SRGAP1: variants seen among roughly 807,000 people sequenced by gnomAD.
SRGAP1 encodes SLIT-ROBO Rho GTPase activating protein 1, also known as SLIT-ROBO Rho GTPase-activating protein 1.
A neutral mutation model predicts 121.9 loss-of-function variants in SRGAP1; 43 were observed. The observed-to-expected ratio is 0.35, with a 90% CI of 0.28 to 0.46. The LOEUF (loss-of-function observed/expected upper bound fraction) is 0.46. Ranked by LOEUF, SRGAP1 falls within the 20% of genes least tolerant of loss-of-function variation. The probability of loss-of-function intolerance (pLI) is 1.00; values close to 1 mark genes in which losing one functional copy is unlikely to be tolerated. For missense variants in SRGAP1, 1,102 were observed against 1,350.9 expected, an observed-to-expected ratio of 0.82 and a Z score of 2.89; for synonymous variants, 447 against 485.4, an observed-to-expected ratio of 0.92 and a Z score of 1.04.
At chr12:64,083,673 A>G (rs905787604) in intron 10 of SRGAP1, among the ~76,000 whole-genome samples, 8 of 152,232 alleles carry the variant, frequency 5.3e-5, no homozygotes, top group Non-Finnish European at 8.8e-5. Flanking sequence ...ACCACAGTAA[A>G]TGAGATATAC....
At position 63,873,180 on chromosome 12, in the gene SRGAP1, A is replaced by G. The variant is rs569819409; in HGVS notation, c.67+28297A>G. On this transcript the variant is annotated intron_variant, in intron 1 of 21. Coordinates refer to ENST00000355086, the MANE Select transcript of SRGAP1 (RefSeq NM_020762.4). ...TTTTACATTTTGCTTAAATCTCACA[A>G]GAAATATATGAGGTACACACTGCTA... Among the ~76,000 whole-genome samples, 17 of 152,330 alleles carry G rather than the reference A, an allele frequency of 1.1e-4. No individual in the cohort carries two copies. The South Asian group carries it at 3.5e-3, about 32-fold the overall frequency.
Position 64,161,024 on chromosome 12 carries a change from C to T in SRGAP1, c.*18352C>T, listed in dbSNP as rs2136671450. ...AGGGTTTCTGAAATTTCAGAATATC[C>T]TGATGTGGATCTATTTTGATTCATT... On this transcript the variant is annotated 3_prime_UTR_variant, in exon 22 of 22. Transcript: ENST00000355086. 1 of 152,204 alleles carries T rather than the reference C, an allele frequency of 6.6e-6. No individual in the cohort carries two copies. Among genetic ancestry groups the T allele is most frequent in the South Asian group, 2.1e-4 (1 of 4,818 alleles). The allele number at this position is 152,204 out of a possible 1,614,324, so 9.4% of individuals were successfully genotyped here.
Position 64,142,633 on chromosome 12 carries a change from A to G in SRGAP1, c.3219A>G (p.Pro1073=). Reference sequence around the variant, plus strand: ...CAAATCCTACCATAGGACCTGCCCCACCTCCCCAGGGTCCAACAGACAAGT... The same window carrying G: ...CAAATCCTACCATAGGACCTGCCCCGCCTCCCCAGGGTCCAACAGACAAGT... The part of the protein sequence containing the change: ...PKTNPTIGPA[P]PPQGPTDKSC... The change falls in exon 22 of 22, where the codon CCA becomes CCG. Residue 1073 remains proline, a synonymous_variant. Coordinates refer to ENST00000355086, the MANE Select transcript of SRGAP1 (RefSeq NM_020762.4). 6.2e-7 allele frequency: 1 copy of G among 1,613,802 alleles called. No individual in the cohort carries two copies. Among genetic ancestry groups the G allele is most frequent in the Non-Finnish European group, 8.5e-7 (1 of 1,179,974 alleles).
intron 1 of SRGAP1, among the ~76,000 whole-genome samples, chr12:63,850,525 G>A (rs1899041908): frequency 6.6e-6 from 1 of 151,670 alleles, no homozygotes; most frequent in Non-Finnish European, 1.5e-5. Flanking sequence ...TGACCTCCTG[G>A]GCTCAAGCGA....
At chr12:64,042,679 T>A in intron 4 of SRGAP1, 111 bp from the exon 5 acceptor site, 1 of 704,186 alleles carries the variant, frequency 1.4e-6, no homozygotes, top group Non-Finnish European at 2.3e-6. Flanking sequence ...ACTTTTCCCC[T>A]CTGCCATTTG....
intron 1 of SRGAP1, among the ~76,000 whole-genome samples, chr12:63,939,686 G>C (rs1232838975): frequency 6.6e-6 from 1 of 152,144 alleles, no homozygotes; most frequent in Non-Finnish European, 1.5e-5. Context: ...TAAAAAACAA[G>C]TTGTTTCTCA....
intron 1 of SRGAP1, among the ~76,000 whole-genome samples, chr12:63,873,257 G>A (rs186340089): frequency 1.4e-4 from 22 of 152,052 alleles, no homozygotes; most frequent in Non-Finnish European, 2.1e-4. Context: ...TTGGCCGGGC[G>A]CGGTAGCTCA....
chr12:63,941,708 G>A (rs1049998727), intron 1 of SRGAP1, among the ~76,000 whole-genome samples: 1 of 151,194 alleles, frequency 6.6e-6, no homozygotes, highest in Non-Finnish European at 1.5e-5. Flanking sequence ...GATCCTTTGA[G>A]TGGAAAGCCT....
At chr12:63,899,984 C>G (rs575919656) in intron 1 of SRGAP1, among the ~76,000 whole-genome samples, 2 of 152,216 alleles carry the variant, frequency 1.3e-5, no homozygotes, top group East Asian at 3.9e-4. Flanking sequence ...AAAAAACTTT[C>G]TAGAAGCTTG....
chr12:64,127,831 T>G, intron 20 of SRGAP1, 30 bp from the exon 21 acceptor site: 3 of 1,600,196 alleles, frequency 1.9e-6, no homozygotes, highest in Non-Finnish European at 2.6e-6. Flanking sequence ...TAAGCTCTTC[T>G]GTTTTCTCCC....
intron 1 of SRGAP1, among the ~76,000 whole-genome samples, chr12:63,921,065 A>C (rs533951499): frequency 6.0e-4 from 91 of 152,298 alleles, no homozygotes; most frequent in African/African-American, 1.8e-3. Context: ...TGGCCCATCC[A>C]TCTGGTTCGA....
intron 1 of SRGAP1, among the ~76,000 whole-genome samples, chr12:63,926,174 A>G (rs905043673): frequency 1.3e-5 from 2 of 152,186 alleles, no homozygotes; most frequent in African/African-American, 4.8e-5. Flanking sequence ...TCCTCACACC[A>G]TCAATTACAT....
intron 12 of SRGAP1, among the ~76,000 whole-genome samples, chr12:64,092,408 A>C (rs2036069085): frequency 6.6e-6 from 1 of 152,154 alleles, no homozygotes; most frequent in Non-Finnish European, 1.5e-5. Context: ...CTGTTTATTG[A>C]ATATGTGTAC....
At chr12:63,926,714 C>G (rs2031275751) in intron 1 of SRGAP1, among the ~76,000 whole-genome samples, 3 of 152,090 alleles carry the variant, frequency 2.0e-5, no homozygotes, top group Admixed American at 1.3e-4. Flanking sequence ...GAAATTCATT[C>G]TTAGTTATTT....
rs149099309 is a variant in SRGAP1, at chr12:63,884,454, G to T, written c.67+39571G>T. 2.0e-5 allele frequency among the ~76,000 whole-genome samples: 3 copies of T among 152,220 alleles called. No individual in the cohort carries two copies. In the East Asian group the frequency reaches 5.8e-4, roughly 29 times the overall value. The stretch of plus-strand genomic sequence containing the variant: ...TTATTGGGTACAATTTGATGTTTCA[G>T]TACATACCTGTGTTGTATAATGATC... On this transcript the variant is annotated intron_variant, in intron 1 of 21. Transcript: ENST00000355086.
At chr12:64,118,256 T>C (rs116253648) in intron 18 of SRGAP1, among the ~76,000 whole-genome samples, 1,922 of 152,274 alleles carry the variant, frequency 0.013, 33 homozygotes, top group African/African-American at 0.043. Flanking sequence ...GCAACGCTTA[T>C]CTTTTTGTTT....
At chr12:64,105,777 CTG>C (rs1352935552) in intron 15 of SRGAP1, among the ~76,000 whole-genome samples, 3 of 151,636 alleles carry the variant, frequency 2.0e-5, no homozygotes, top group Non-Finnish European at 4.4e-5. Context: ...GAGTAAGACT[CTG>C]TCTCAAAAAC....
intron 1 of SRGAP1, among the ~76,000 whole-genome samples, chr12:63,891,252 T>C (rs1900569362): frequency 6.6e-6 from 1 of 152,222 alleles, no homozygotes; most frequent in African/African-American, 2.4e-5. Flanking sequence ...ACTCCTCCCC[T>C]GCTGACATGG....
At chr12:63,853,964 T>A (rs1419047371) in intron 1 of SRGAP1, among the ~76,000 whole-genome samples, 1 of 152,232 alleles carries the variant, frequency 6.6e-6, no homozygotes, top group East Asian at 1.9e-4. Flanking sequence ...GGTTTTTCCT[T>A]GCTTTGAGCT....
Sources: allele counts gnomAD v4.1 joint callset (sites outside exome capture counted in the v4.1 genomes callset), GRCh38; gene constraint gnomAD v4.1.1; transcripts MANE v1.5; gene names NCBI Gene and HGNC (gene_info 2026-07-23, HGNC 2026-07-21).